The following SSBP4 variants were observed in gnomAD, a reference collection of about 807,000 sequenced individuals.
SSBP4 encodes single-stranded DNA-binding protein 4.
Under a neutral mutation model 64.6 loss-of-function variants are expected in SSBP4, and 33 were observed. That is an observed-to-expected ratio of 0.51 (90% CI 0.39 to 0.68). The LOEUF is 0.68. Ranked by LOEUF, SSBP4 falls within the 30% of genes least tolerant of loss-of-function variation. The pLI is 0.00. For synonymous variants in SSBP4, 243 were observed against 224.0 expected (o/e 1.08, Z -0.76); for missense variants, 583 against 566.8 (o/e 1.03, Z -0.29).
At chr19:18,428,694 A>G (rs886869949) in intron 4 of SSBP4, among the ~76,000 whole-genome samples, 12 of 151,278 alleles carry the variant, frequency 7.9e-5, no homozygotes, top group African/African-American at 2.9e-4. Context: ...CCCACCCCCT[A>G]CCCCCTGTGC....
upstream of SSBP4, among the ~76,000 whole-genome samples, chr19:18,418,038 A>C (rs886353581): frequency 2.6e-5 from 4 of 152,026 alleles, no homozygotes; most frequent in Non-Finnish European, 4.4e-5. The surrounding 1 kb of genome is among the most constrained non-coding windows in gnomAD (Gnocchi z 6.7). Context: ...CGGCCCACCC[A>C]CGCGCGGAGA....
At chr19:18,417,574 G>A (rs1023686192), upstream of SSBP4, among the ~76,000 whole-genome samples, 50 of 152,300 alleles carry the variant, frequency 3.3e-4, no homozygotes, top group African/African-American at 1.2e-3. This position sits in a 1 kb window ranked among gnomAD's most constrained non-coding sequence, Gnocchi z 5.4. Flanking sequence ...GGAGTGACCT[G>A]GACGCCGAAG....
At chr19:18,409,713 TCTCA>T in the SSBP4 span, among the ~76,000 whole-genome samples, 1 of 151,692 alleles carries the variant, frequency 6.6e-6, no homozygotes, top group Admixed American at 6.6e-5. Context: ...AGACAGGAGG[TCTCA>T]CTGTGTTGCC....
intron 5 of SSBP4, 69 bp from the exon 6 acceptor site, chr19:18,431,284 C>T: frequency 1.6e-6 from 1 of 610,940 alleles, no homozygotes; most frequent in Non-Finnish European, 2.9e-6. Flanking sequence ...CTCCATGGAG[C>T]CCCTCCCCTC....
chr19:18,431,798 C>A lies in SSBP4; in HGVS notation c.501C>A (p.Pro167=). The change falls in exon 8 of 18, where the codon CCC becomes CCA. Residue 167 remains proline, a synonymous_variant. Coordinates refer to ENST00000270061, the MANE Select transcript of SSBP4 (RefSeq NM_032627.5). ...RPTLRMPSQP[P]AGLPGSQPLL... The stretch of plus-strand genomic sequence containing the variant: ...CCGCCGCACCCCCTCCGCAGCCTCC[C>A]GCAGGCCTCCCTGGCTCCCAGCCCC... The A allele has an allele frequency of 6.4e-7, 1 of 1,558,356 alleles. No homozygotes were observed. Among genetic ancestry groups the A allele is most frequent in the East Asian group, 2.4e-5 (1 of 41,634 alleles).
intron 4 of SSBP4, 69 bp downstream of exon 4, chr19:18,428,051 T>TGGGGGGGGGGGGGGGGGGGGGGGGG: frequency 2.0e-6 from 1 of 496,564 alleles, no homozygotes. Flanking sequence ...GCTGGGGAGG[T>TGGGGGGGGGGGGGGGGGGGGGGGGG]GGGGTGGGGG....
rs1350515906 is a variant in SSBP4, at chr19:18,423,105, G to T, written c.59+3398G>T. On this transcript the variant is annotated intron_variant, in intron 1 of 17. Coordinates refer to ENST00000270061, the MANE Select transcript of SSBP4 (RefSeq NM_032627.5). The surrounding 1 kb of genome is among the most constrained non-coding windows in gnomAD (Gnocchi z 4.0). ...GCAGAGTGGGCTGAGGGAGGCTGGGGTCTGAGTGGGCCACTTGCAAGAAGA... is the reference window on the plus strand; with the variant it reads ...GCAGAGTGGGCTGAGGGAGGCTGGGTTCTGAGTGGGCCACTTGCAAGAAGA... Among the ~76,000 whole-genome samples the T allele has an allele frequency of 6.6e-6, 1 of 152,216 alleles. No individual in the cohort carries two copies.
rs1013638493 is a variant in SSBP4 at position 18,427,201 on chromosome 19, C to A, written c.60-150C>A. ...GTCACGGATGCCTGGGAGGGGCCTG[C>A]AGGACATAGATGGATAACTATGAGC... On this transcript the variant is annotated intron_variant, in intron 1 of 17. Coordinates refer to ENST00000270061, the MANE Select transcript of SSBP4 (RefSeq NM_032627.5). This position sits in a 1 kb window ranked among gnomAD's most constrained non-coding sequence, Gnocchi z 4.4. The A allele has an allele frequency of 2.6e-6, 2 of 763,624 alleles. No individual in the cohort carries two copies. Among genetic ancestry groups the A allele is most frequent in the Non-Finnish European group, 4.2e-6 (2 of 480,302 alleles). The allele number at this position is 763,624 out of a possible 1,614,324, so 47.3% of individuals were successfully genotyped here. A position where few individuals can be genotyped will look rare whatever the true frequency, so the allele number is the denominator to read the frequency against.
the SSBP4 span, among the ~76,000 whole-genome samples, chr19:18,411,266 G>C: frequency 1.3e-5 from 2 of 152,120 alleles, no homozygotes; most frequent in Admixed American, 1.3e-4. Context: ...GCCAAAGTGG[G>C]CAGATCACCT....
chr19:18,433,661 G>A (rs1973708718), intron 16 of SSBP4, 48 bp downstream of exon 16: 1 of 1,349,758 alleles, frequency 7.4e-7, no homozygotes, highest in Non-Finnish European at 9.5e-7. Context: ...GGGGGGTGGC[G>A]GGGAGGGGGC....
chr19:18,423,458 G>A lies in SSBP4; in HGVS notation c.59+3751G>A, dbSNP rs922809819. 5.9e-5 allele frequency among the ~76,000 whole-genome samples: 9 copies of A among 152,166 alleles called. No homozygotes were observed. Among genetic ancestry groups the A allele is most frequent in the South Asian group, 4.1e-4 (2 of 4,832 alleles). On this transcript the variant is annotated intron_variant, in intron 1 of 17. Transcript: ENST00000270061. The surrounding 1 kb of genome is among the most constrained non-coding windows in gnomAD (Gnocchi z 4.0). The stretch of plus-strand genomic sequence containing the variant: ...GTTGGCAGAGGGGAGGGAGGACGGC[G>A]AGGGTTGGAGGGTCAGGAGTGAGAC...
chr19:18,429,844 G>T (rs961501506), intron 4 of SSBP4, among the ~76,000 whole-genome samples: 13 of 152,174 alleles, frequency 8.5e-5, no homozygotes, highest in African/African-American at 2.9e-4. Flanking sequence ...CTGGCGGGAG[G>T]CTTGAGGCTA....
rs1555720268 is a variant in SSBP4, at chr19:18,419,477, T to C, written c.-172T>C. The C allele has an allele frequency of 9.3e-6, 10 of 1,078,062 alleles. No individual in the cohort carries two copies. Among genetic ancestry groups the C allele is most frequent in the Non-Finnish European group, 1.1e-5 (10 of 890,544 alleles). The allele number at this position is 1,078,062 out of a possible 1,614,324, so 66.8% of individuals were successfully genotyped here. ...CCGGGGCCGGAGCTGGAGCCGCCGC[T>C]GCCGCCGCCGCCGCGGCCGTCTGGA... On this transcript the variant is annotated 5_prime_UTR_variant, in exon 1 of 18. Coordinates refer to ENST00000270061, the MANE Select transcript of SSBP4 (RefSeq NM_032627.5).
intron 17 of SSBP4, 194 bp downstream of exon 17, chr19:18,434,011 G>A (rs1973777769): frequency 2.3e-6 from 2 of 880,040 alleles, no homozygotes; most frequent in Non-Finnish European, 2.7e-6. Context: ...CTATTTCACC[G>A]TCCCGATCCC....
intron 10 of SSBP4, 73 bp downstream of exon 10, chr19:18,432,287 G>A: frequency 1.9e-6 from 3 of 1,571,552 alleles, no homozygotes; most frequent in Non-Finnish European, 2.6e-6. Context: ...GTCAGCTGGG[G>A]CAGGTCCTGA....
chr19:18,415,584 G>A (rs76367220), upstream of SSBP4, among the ~76,000 whole-genome samples: 653 of 152,234 alleles, frequency 4.3e-3, 2 homozygotes, highest in Non-Finnish European at 7.7e-3. Context: ...GGAGGAGGAG[G>A]AAGAGGAGGA....
chr19:18,433,241 C>T (rs1158859852), intron 15 of SSBP4, 28 bp downstream of exon 15: 7 of 1,543,878 alleles, frequency 4.5e-6, no homozygotes, highest in Non-Finnish European at 6.1e-6. Flanking sequence ...CTCCCGCCCA[C>T]GTTGCCTTCC....
chr19:18,413,147 GTT>G, the SSBP4 span, among the ~76,000 whole-genome samples: 75 of 114,524 alleles, frequency 6.5e-4, no homozygotes, highest in African/African-American at 1.9e-3. Flanking sequence ...TTTGGTTTGG[GTT>G]TTTTTTTTTT....
At chr19:18,428,051 T>TG in intron 4 of SSBP4, 69 bp downstream of exon 4, 1 of 496,554 alleles carries the variant, frequency 2.0e-6, no homozygotes, top group Non-Finnish European at 3.1e-6. Context: ...GCTGGGGAGG[T>TG]GGGGTGGGGG....
Sources: gnomAD v4.1 joint callset for allele counts (sites outside exome capture counted in the v4.1 genomes callset) on GRCh38, gnomAD v4.1.1 for gene constraint, Gnocchi (gnomAD v3.1) non-coding constraint, MANE v1.5 for transcripts, NCBI Gene and HGNC (gene_info 2026-07-23, HGNC 2026-07-21) for gene names.